The following CUBN variants were observed in gnomAD, a reference collection of about 807,000 sequenced individuals.
CUBN encodes cubilin, also known as 460 kDa receptor.
Under a neutral mutation model 405.3 loss-of-function variants are expected in CUBN, and 282 were observed. The observed-to-expected ratio is 0.70, with a 90% CI of 0.63 to 0.77. The LOEUF is 0.77. Ranked by LOEUF, CUBN falls within the 30% of genes least tolerant of loss-of-function variation. The pLI, the probability that CUBN is intolerant of heterozygous loss-of-function variation, is 0.00. For synonymous variants in CUBN, 1,684 were observed against 1,617.0 expected (o/e 1.04, Z -0.99); for missense variants, 4,514 against 4,475.2 (o/e 1.01, Z -0.25).
chr10:16,825,317 G>A (rs780392412), intron 66 of CUBN, among the ~76,000 whole-genome samples: 2 of 152,034 alleles, frequency 1.3e-5, no homozygotes, highest in South Asian at 4.1e-4. Context: ...TGGGTACTGG[G>A]TTTCTTTGGG....
intron 17 of CUBN, among the ~76,000 whole-genome samples, chr10:17,080,502 C>A (rs546509712): frequency 6.6e-6 from 1 of 152,274 alleles, no homozygotes; most frequent in East Asian, 1.9e-4. Context: ...CTCGAAAGCC[C>A]TTCTCTTTCT....
intron 9 of CUBN, 36 bp from the exon 10 acceptor site, chr10:17,109,771 G>C (rs370355754): frequency 1.1e-4 from 172 of 1,533,296 alleles, no homozygotes; most frequent in Non-Finnish European, 1.4e-4. Context: ...AAGAAACAAT[G>C]TCAAGAAGAT....
chr10:17,010,209 C>T (rs993096697), intron 28 of CUBN, among the ~76,000 whole-genome samples: 1 of 152,216 alleles, frequency 6.6e-6, no homozygotes, highest in Non-Finnish European at 1.5e-5. Context: ...TTCTCCTGAC[C>T]TTTCTGTCTC....
intron 31 of CUBN, among the ~76,000 whole-genome samples, chr10:16,961,850 T>G (rs1843232224): frequency 6.6e-6 from 1 of 151,510 alleles, no homozygotes; most frequent in Admixed American, 6.6e-5. Flanking sequence ...TAGCTGGGAC[T>G]ACAGGCGCCC....
chr10:16,972,417 C>T (rs1264328842), intron 31 of CUBN, among the ~76,000 whole-genome samples: 1 of 151,028 alleles, frequency 6.6e-6, no homozygotes, highest in African/African-American at 2.4e-5. Context: ...ACTCCCTTTA[C>T]TCAGTTAATG....
In CUBN at chr10:17,088,278, G is replaced by A. The variant is rs1215660752; in HGVS notation, c.1833C>T (p.Pro611=). Residue 611 remains proline (P), a synonymous_variant, in exon 15 of 67, where the codon CCC becomes CCT. Transcript: ENST00000377833. ...CAATCCAGACACAATCTCTTCCTGG[G>A]GGATAGTTTCCAGGATACCCCGGAG... ...IKSPGYPGNY[P]PGRDCVWIVV... The A allele has an allele frequency of 6.2e-7, 1 of 1,613,334 alleles. No individual in the cohort carries two copies. Among genetic ancestry groups the A allele is most frequent in the South Asian group, 1.1e-5 (1 of 91,058 alleles).
At chr10:16,946,467 T>C (rs1463236680) in intron 36 of CUBN, among the ~76,000 whole-genome samples, 3 of 151,036 alleles carry the variant, frequency 2.0e-5, no homozygotes, top group African/African-American at 7.3e-5. Context: ...GTTTGGAAGT[T>C]AAAAAAACTT....
chr10:17,114,934 G>T (rs931240221), intron 7 of CUBN, among the ~76,000 whole-genome samples: 1 of 152,194 alleles, frequency 6.6e-6, no homozygotes, highest in African/African-American at 2.4e-5. Flanking sequence ...AGAGAGTCAT[G>T]ACGGGATAAT....
chr10:16,949,056 C>T (rs1259411760), intron 34 of CUBN, among the ~76,000 whole-genome samples: 1 of 152,164 alleles, frequency 6.6e-6, no homozygotes, highest in Non-Finnish European at 1.5e-5. Context: ...TGCTTGGTGC[C>T]TCAGTTTCCT....
At chr10:16,870,114 T>C (rs912731795) in intron 58 of CUBN, among the ~76,000 whole-genome samples, 11 of 152,218 alleles carry the variant, frequency 7.2e-5, no homozygotes, top group Non-Finnish European at 1.6e-4. Flanking sequence ...AGTCTTACTT[T>C]TCAAGGAATT....
chr10:17,064,178 T>C (rs1835561111), intron 22 of CUBN, among the ~76,000 whole-genome samples: 1 of 152,216 alleles, frequency 6.6e-6, no homozygotes, highest in African/African-American at 2.4e-5. Context: ...CTGCAGAGGT[T>C]CCTACCTGGG....
chr10:16,938,441 C>T (rs1166777033), intron 38 of CUBN, among the ~76,000 whole-genome samples: 1 of 152,112 alleles, frequency 6.6e-6, no homozygotes, highest in African/African-American at 2.4e-5. Context: ...ATGTAATAGT[C>T]ATTCCCATAC....
intron 10 of CUBN, among the ~76,000 whole-genome samples, chr10:17,106,556 C>A (rs1836635201): frequency 6.7e-6 from 1 of 150,088 alleles, no homozygotes; most frequent in Admixed American, 6.6e-5. Context: ...CAAGATCCTG[C>A]CACTGCACTC....
chr10:17,054,346 A>C (rs1420944634), intron 22 of CUBN, among the ~76,000 whole-genome samples: 5 of 151,374 alleles, frequency 3.3e-5, no homozygotes, highest in Non-Finnish European at 7.4e-5. Flanking sequence ...AAAAAAAAAA[A>C]ACTGGGGAGG....
intron 60 of CUBN, among the ~76,000 whole-genome samples, chr10:16,848,676 TG>T (rs1839589452): frequency 6.7e-6 from 1 of 148,852 alleles, no homozygotes; most frequent in South Asian, 2.1e-4. Flanking sequence ...CTAGTCATTT[TG>T]GTCTCTCCCA....
intron 60 of CUBN, 68 bp from the exon 61 acceptor site, chr10:16,841,115 G>T: frequency 1.4e-6 from 2 of 1,446,816 alleles, no homozygotes; most frequent in South Asian, 1.2e-5. Context: ...CACTAAATTG[G>T]ACGCGAAGTT....
chr10:16,909,739 T>C (rs569195264), intron 48 of CUBN, among the ~76,000 whole-genome samples: 10 of 152,344 alleles, frequency 6.6e-5, no homozygotes, highest in East Asian at 3.9e-4. Flanking sequence ...TTCCCATCAT[T>C]GTCCTCTAAT....
chr10:16,963,571 G>A (rs1843301080), intron 31 of CUBN, among the ~76,000 whole-genome samples: 1 of 152,154 alleles, frequency 6.6e-6, no homozygotes, highest in South Asian at 2.1e-4. Context: ...ACTAGAGAAA[G>A]TCTTAGGTGG....
At chr10:16,933,343 A>G (rs1842415950) in intron 39 of CUBN, 59 bp from the exon 40 acceptor site, 1 of 1,501,660 alleles carries the variant, frequency 6.7e-7, no homozygotes, top group Non-Finnish European at 9.2e-7. Context: ...GCTAGCTAGC[A>G]CTTTTTCACT....
Sources: allele counts gnomAD v4.1 joint callset (sites outside exome capture counted in the v4.1 genomes callset), GRCh38; gene constraint gnomAD v4.1.1; transcripts MANE v1.5; gene names NCBI Gene and HGNC (gene_info 2026-07-23, HGNC 2026-07-21).